CUL4A: variants seen among roughly 807,000 people sequenced by gnomAD.
CUL4A encodes cullin 4A, also known as cullin-4A.
In CUL4A, 16 loss-of-function variants were observed where a neutral mutation model predicts 95.5. That is an observed-to-expected ratio of 0.17 (90% CI 0.11 to 0.25). The LOEUF (loss-of-function observed/expected upper bound fraction) is 0.25, where lower values mean the gene tolerates loss of function less well. CUL4A is among the 10% of genes least tolerant of loss of function. CUL4A has a pLI of 1.00. For missense variants in CUL4A, 610 were observed against 937.0 expected (o/e 0.65, Z 4.56); for synonymous variants, 380 against 353.1 (o/e 1.08, Z -0.85).
At chr13:113,234,828 A>T (rs1049471099) in intron 7 of CUL4A, among the ~76,000 whole-genome samples, 3 of 152,120 alleles carry the variant, frequency 2.0e-5, no homozygotes, top group South Asian at 4.1e-4. Context: ...GACGAAAGAG[A>T]AGTGCAGCCT....
rs149399981 is a variant in CUL4A, at chr13:113,245,034, G to A, written c.1419G>A (p.Lys473=). ...AAAGTGCCTCAGTCGATGCTGAAAA[G>A]TCTATGTTGTCAAAGCTCAAGCATG... ...VGKSASVDAE[K]SMLSKLKHEC... is the part of the protein sequence containing the mutation. Residue 473 remains lysine (K), a synonymous_variant, in exon 13 of 20, where the codon AAG becomes AAA. Coordinates refer to ENST00000375440, the MANE Select transcript of CUL4A (RefSeq NM_001008895.4). 2 of 1,614,134 alleles carry A rather than the reference G, an allele frequency of 1.2e-6. No individual in the cohort carries two copies. Among genetic ancestry groups the A allele is most frequent in the East Asian group, 4.5e-5 (2 of 44,880 alleles).
chr13:113,237,403 T>C (rs1351723079), intron 9 of CUL4A, among the ~76,000 whole-genome samples: 1 of 152,232 alleles, frequency 6.6e-6, no homozygotes, highest in Non-Finnish European at 1.5e-5. Context: ...AGAGCATGTG[T>C]TCTAGTGCTG....
At chr13:113,231,731 C>T (rs2041316753) in intron 5 of CUL4A, among the ~76,000 whole-genome samples, 2 of 152,176 alleles carry the variant, frequency 1.3e-5, no homozygotes. Flanking sequence ...GGATTCAAAC[C>T]CAGGCAGCTG....
At chr13:113,211,170 TTC>T (rs1305786934) in intron 2 of CUL4A, among the ~76,000 whole-genome samples, 2 of 152,226 alleles carry the variant, frequency 1.3e-5, no homozygotes, top group African/African-American at 4.8e-5. Flanking sequence ...CCCATTTGCT[TTC>T]TGTTACTATA....
intron 7 of CUL4A, among the ~76,000 whole-genome samples, chr13:113,234,350 A>G (rs985020020): frequency 6.6e-6 from 1 of 152,164 alleles, no homozygotes; most frequent in African/African-American, 2.4e-5. Flanking sequence ...AAATTTTCCC[A>G]AAAAAAGCTG....
chr13:113,219,703 A>G (rs1158146503), intron 3 of CUL4A: 1 of 152,374 alleles, frequency 6.6e-6, no homozygotes, highest in Non-Finnish European at 1.5e-5. Flanking sequence ...CTGCTGAGAT[A>G]GGGCCTTATA....
chr13:113,235,285 T>C (rs2041503072), intron 8 of CUL4A, 140 bp downstream of exon 8: 2 of 598,620 alleles, frequency 3.3e-6, no homozygotes, highest in Non-Finnish European at 5.9e-6. Flanking sequence ...TTTTACTTTG[T>C]TATTTGTCAT....
upstream of CUL4A, chr13:113,209,541 G>A (rs1216591874): frequency 1.1e-5 from 9 of 787,610 alleles, no homozygotes; most frequent in African/African-American, 1.3e-4. Flanking sequence ...AGGAGGACGG[G>A]GCGGAGGCCG....
chr13:113,209,528 G>A, upstream of CUL4A: 1 of 698,798 alleles, frequency 1.4e-6, no homozygotes, highest in Non-Finnish European at 1.8e-6. Context: ...GGCGGGGCGC[G>A]CGAGGAGGAC....
chr13:113,246,562 T>C (rs1056619374), intron 15 of CUL4A, among the ~76,000 whole-genome samples: 3 of 152,210 alleles, frequency 2.0e-5, no homozygotes, highest in Non-Finnish European at 4.4e-5. Flanking sequence ...GGGAAAGGGC[T>C]GAGACCAGCC....
At chr13:113,249,594 C>T (rs1372136764) in intron 15 of CUL4A, among the ~76,000 whole-genome samples, 1 of 152,184 alleles carries the variant, frequency 6.6e-6, no homozygotes, top group Non-Finnish European at 1.5e-5. Context: ...TGAACACCTG[C>T]GGTCACTTAT....
intron 3 of CUL4A, 57 bp from the exon 4 acceptor site, chr13:113,227,919 A>G (rs2041166972): frequency 7.4e-6 from 9 of 1,220,650 alleles, no homozygotes; most frequent in African/African-American, 1.5e-5. Context: ...AAAAAAAAAA[A>G]AAAGGTAATA....
chr13:113,208,812 C>G, upstream of CUL4A: 1 of 1,410,234 alleles, frequency 7.1e-7, no homozygotes. Flanking sequence ...CTGAGGGGGC[C>G]CGGGGTCTTT....
At chr13:113,239,356 G>A in intron 9 of CUL4A, 77 bp from the exon 10 acceptor site, 1 of 1,229,366 alleles carries the variant, frequency 8.1e-7, no homozygotes, top group Non-Finnish European at 1.2e-6. Context: ...CGTTCTTCTG[G>A]TGCACGCTGT....
chr13:113,249,324 A>G (rs949586324), intron 15 of CUL4A, among the ~76,000 whole-genome samples: 2 of 151,786 alleles, frequency 1.3e-5, no homozygotes, highest in African/African-American at 4.9e-5. Context: ...TGTGCCATAC[A>G]TCAGCGCTTT....
chr13:113,262,564 G>A (rs937553750), intron 19 of CUL4A, among the ~76,000 whole-genome samples: 1 of 152,194 alleles, frequency 6.6e-6, no homozygotes, highest in Admixed American at 6.5e-5. Flanking sequence ...CACGAAGATT[G>A]CTTGAGTCCA....
chr13:113,263,685 C>T lies in CUL4A; in HGVS notation c.*103C>T, dbSNP rs2139322248. The T allele has an allele frequency of 1.5e-6, 1 of 661,162 alleles. No individual in the cohort carries two copies. Among genetic ancestry groups the T allele is most frequent in the South Asian group, 3.1e-5 (1 of 32,540 alleles). 41.0% of individuals were successfully genotyped at this position (661,162 alleles called of 1,614,324 possible). On this transcript the variant is annotated 3_prime_UTR_variant, in exon 20 of 20. Transcript: ENST00000375440. ...GGACTCTGATTGATCCAGCTGTGGA[C>T]ATTGGAAGGCGAAGGAAGGGAGGTG...
upstream of CUL4A, among the ~76,000 whole-genome samples, chr13:113,209,373 G>A (rs1397714758): frequency 1.3e-5 from 2 of 149,358 alleles, no homozygotes; most frequent in Non-Finnish European, 3.0e-5. Context: ...CGGGAGTCCC[G>A]GCGCGCGCCC....
At chr13:113,248,832 T>G (rs2041921283) in intron 15 of CUL4A, among the ~76,000 whole-genome samples, 1 of 152,244 alleles carries the variant, frequency 6.6e-6, no homozygotes, top group African/African-American at 2.4e-5. Flanking sequence ...TCTGTTCAGA[T>G]TCTTCCTGGC....
Sources: allele counts gnomAD v4.1 joint callset (sites outside exome capture counted in the v4.1 genomes callset), GRCh38; gene constraint gnomAD v4.1.1; transcripts MANE v1.5; gene names NCBI Gene and HGNC (gene_info 2026-07-23, HGNC 2026-07-21).